CROT: variants seen among roughly 807,000 people sequenced by gnomAD.
CROT encodes carnitine O-octanoyltransferase.
CROT carries 84 observed loss-of-function variants against 89.2 expected under a neutral mutation model. The observed-to-expected ratio is 0.94, with a 90% CI of 0.79 to 1.13. The LOEUF (loss-of-function observed/expected upper bound fraction) is 1.13, where lower values mean the gene tolerates loss of function less well. Ranked by LOEUF, CROT falls within the 50% of genes most tolerant of loss-of-function variation. The pLI is 0.00. For synonymous variants in CROT, 212 were observed against 239.5 expected, an observed-to-expected ratio of 0.89 and a Z score of 1.06; for missense variants, 711 against 727.8, an observed-to-expected ratio of 0.98 and a Z score of 0.27.
In CROT at chr7:87,392,833, T is replaced by C; in HGVS notation, c.1598+10T>C. 1.2e-6 allele frequency: 2 copies of C among 1,611,642 alleles called. No homozygotes were observed. The highest frequency in any genetic ancestry group is 1.7e-6 in the Non-Finnish European group (2 of 1,178,668). On this transcript the variant is annotated intron_variant, in intron 16 of 17. Transcript: ENST00000331536. ...CACTTTTTTCCAAAAGGTAATATAG[T>C]GTAGTGTTTTACAGCTTCATCAATT... is the stretch of plus-strand genomic sequence containing the variant.
chr7:87,391,457 TGAAAG>T, intron 13 of CROT, 127 bp from the exon 14 acceptor site: 1 of 807,246 alleles, frequency 1.2e-6, no homozygotes, highest in Non-Finnish European at 1.8e-6. Context: ...TCTTTTTTGT[TGAAAG>T]TCTCCAACCT....
chr7:87,397,628 A>G (rs751151176), intron 17 of CROT, among the ~76,000 whole-genome samples: 2 of 152,202 alleles, frequency 1.3e-5, no homozygotes. Flanking sequence ...ATGATTCGTG[A>G]TCATGAATCA....
At chr7:87,392,318 G>T (rs999291209) in intron 14 of CROT, among the ~76,000 whole-genome samples, 1 of 151,132 alleles carries the variant, frequency 6.6e-6, no homozygotes, top group African/African-American at 2.5e-5. Context: ...ATACTTGTTA[G>T]TGTCACTTCA....
intron 6 of CROT, among the ~76,000 whole-genome samples, chr7:87,364,345 C>T (rs1192784628): frequency 6.6e-6 from 1 of 152,024 alleles, no homozygotes; most frequent in Non-Finnish European, 1.5e-5. Flanking sequence ...GCAAAGGAGA[C>T]CAAGGGAAGT....
chr7:87,379,335 C>T (rs1035140101), intron 10 of CROT, among the ~76,000 whole-genome samples: 7 of 152,150 alleles, frequency 4.6e-5, no homozygotes, highest in East Asian at 3.9e-4. Flanking sequence ...TGCAGCTATA[C>T]TTTTCTAGCT....
chr7:87,367,548 T>C (rs771674385), intron 6 of CROT, among the ~76,000 whole-genome samples: 2 of 152,222 alleles, frequency 1.3e-5, no homozygotes, highest in Non-Finnish European at 1.5e-5. Context: ...CTGATTCAAA[T>C]ATTTGCCCAT....
intron 7 of CROT, among the ~76,000 whole-genome samples, chr7:87,373,286 TG>T (rs549456061): frequency 7.9e-5 from 12 of 152,272 alleles, no homozygotes; most frequent in Non-Finnish European, 1.3e-4. Context: ...TAAATTAGTT[TG>T]TTTTTTTATT....
chr7:87,375,808 A>G lies in CROT; in HGVS notation c.751-20A>G. On this transcript the variant is annotated intron_variant, in intron 8 of 17. Transcript: ENST00000331536. ...TGTATTTCAGTTGTAATATTTGATCATCATCTCCTTGCCCTTTAGGCACGA... is the reference window on the plus strand; with the variant it reads ...TGTATTTCAGTTGTAATATTTGATCGTCATCTCCTTGCCCTTTAGGCACGA... 6.2e-7 allele frequency: 1 copy of G among 1,613,086 alleles called. No individual in the cohort carries two copies. The highest frequency in any genetic ancestry group is 8.5e-7 in the Non-Finnish European group (1 of 1,179,428).
At position 87,398,740 on chromosome 7, in the gene CROT, C is replaced by CAAG; in HGVS notation, c.*96_*97insAAG. 5.2e-6 allele frequency: 6 copies of CAAG among 1,154,022 alleles called. No homozygotes were observed. Among genetic ancestry groups the CAAG allele is most frequent in the South Asian group, 1.5e-5 (1 of 66,844 alleles). 71.5% of individuals were successfully genotyped at this position (1,154,022 alleles called of 1,614,324 possible). A position where few individuals can be genotyped will look rare whatever the true frequency, so the allele number is the denominator to read the frequency against. On this transcript the variant is annotated 3_prime_UTR_variant, in exon 18 of 18. Coordinates refer to ENST00000331536, the MANE Select transcript of CROT (RefSeq NM_021151.4). ...TGAGATGGGAAGGAATGTTGACTTGCTAACATTCCTTTAACAAGTTAAGAA... is the reference window on the plus strand; with the variant it reads ...TGAGATGGGAAGGAATGTTGACTTGCAAGTAACATTCCTTTAACAAGTTAAGAA...
chr7:87,350,036 C>T (rs967743385), intron 3 of CROT, among the ~76,000 whole-genome samples: 4 of 152,140 alleles, frequency 2.6e-5, no homozygotes, highest in Non-Finnish European at 5.9e-5. Flanking sequence ...ACTATTTTAT[C>T]TTGCAACCCT....
chr7:87,380,671 C>A (rs1806967227), intron 10 of CROT, among the ~76,000 whole-genome samples: 1 of 152,140 alleles, frequency 6.6e-6, no homozygotes, highest in East Asian at 1.9e-4. Context: ...ATATTTTCTA[C>A]CTTCTTTGAG....
intron 17 of CROT, among the ~76,000 whole-genome samples, chr7:87,396,490 G>A (rs1807526556): frequency 6.6e-6 from 1 of 152,096 alleles, no homozygotes; most frequent in Non-Finnish European, 1.5e-5. Context: ...TCTATGATAG[G>A]AGCATTGAAA....
intron 6 of CROT, among the ~76,000 whole-genome samples, chr7:87,367,737 G>GT (rs886441529): frequency 6.6e-6 from 1 of 152,064 alleles, no homozygotes; most frequent in African/African-American, 2.4e-5. Flanking sequence ...CTGCTTATCA[G>GT]TTTTTTTCTT....
At chr7:87,350,655 A>G (rs1210409481) in intron 3 of CROT, among the ~76,000 whole-genome samples, 1 of 152,152 alleles carries the variant, frequency 6.6e-6, no homozygotes, top group Admixed American at 6.5e-5. Context: ...TGTGAGACCC[A>G]TGTGCCCATA....
At position 87,366,643 on chromosome 7, in the gene CROT, A is replaced by G. The variant is rs80048562; in HGVS notation, c.548-2733A>G. On this transcript the variant is annotated intron_variant, in intron 6 of 17. Transcript: ENST00000331536. ...GTTTAATGATGCTACTGCTCTCTTC[A>G]TGGCTCCATTCCTACTTCCCCGTCT... Among the ~76,000 whole-genome samples, 489 of 152,232 alleles carry G rather than the reference A, an allele frequency of 3.2e-3. 1 individual carries two copies. The highest frequency in any genetic ancestry group is 0.011 in the African/African-American group (467 of 41,534).
At chr7:87,367,722 C>T (rs1156867403) in intron 6 of CROT, among the ~76,000 whole-genome samples, 1 of 152,216 alleles carries the variant, frequency 6.6e-6, no homozygotes, top group Non-Finnish European at 1.5e-5. Context: ...TATCCTCTCT[C>T]TCTGCTGCTT....
At chr7:87,382,037 T>G in intron 11 of CROT, 37 bp from the exon 12 acceptor site, 1 of 1,572,594 alleles carries the variant, frequency 6.4e-7, no homozygotes, top group Non-Finnish European at 8.7e-7. Context: ...CTAATAGTTC[T>G]ATAGATAAAA....
At chr7:87,398,312 C>T (rs2116257925) in intron 17 of CROT, 2 of 680,202 alleles carry the variant, frequency 2.9e-6, no homozygotes, top group Middle Eastern at 2.4e-4. Flanking sequence ...CCCCTTTGTC[C>T]CTAGGTGCTA....
chr7:87,378,462 C>T (rs1933017915), intron 10 of CROT, among the ~76,000 whole-genome samples: 1 of 152,178 alleles, frequency 6.6e-6, no homozygotes, highest in Middle Eastern at 3.4e-3. Context: ...AAGGAGTTAG[C>T]TAAATTTGGG....
Sources: allele counts gnomAD v4.1 joint callset (sites outside exome capture counted in the v4.1 genomes callset), GRCh38; gene constraint gnomAD v4.1.1; transcripts MANE v1.5; gene names NCBI Gene and HGNC (gene_info 2026-07-23, HGNC 2026-07-21).